MAP3K11: variants seen among roughly 807,000 people sequenced by gnomAD.
MAP3K11 encodes the protein mitogen-activated protein kinase kinase kinase 11, also known as SH3 domain-containing proline-rich kinase.
MAP3K11 carries 46 observed loss-of-function variants against 84.9 expected under a neutral mutation model. The observed-to-expected ratio is 0.54, with a 90% CI of 0.43 to 0.69. The LOEUF is 0.69. MAP3K11 is among the 30% of genes least tolerant of loss of function. MAP3K11 has a pLI of 0.00. For missense variants in MAP3K11, 1,053 were observed against 1,198.3 expected, an observed-to-expected ratio of 0.88 and a Z score of 1.79; for synonymous variants, 527 against 514.7, an observed-to-expected ratio of 1.02 and a Z score of -0.32.
At chr11:65,598,705 G>C in intron 9 of MAP3K11, 77 bp from the exon 10 acceptor site, 1 of 1,134,696 alleles carries the variant, frequency 8.8e-7, no homozygotes, top group Non-Finnish European at 1.2e-6. Flanking sequence ...CCTGCTCTGG[G>C]CCTCAGTTTC....
rs1344278082 is a variant in MAP3K11, at chr11:65,614,207, CCCGACGGCT to C, written c.-460_-452del. On this transcript the variant is annotated 5_prime_UTR_variant, in exon 1 of 10. Coordinates refer to ENST00000309100, the MANE Select transcript of MAP3K11 (RefSeq NM_002419.4). ...TGTTCCTGGCCCCGTCTCCTTTGGC[CCCGACGGCT>C]CCGACCCCGCTCCCTTCTTCCTCCT... is the stretch of plus-strand genomic sequence containing the variant. 6.6e-5 allele frequency: 11 copies of C among 165,954 alleles called. No homozygotes were observed. The highest frequency in any genetic ancestry group is 2.6e-4 in the African/African-American group (11 of 41,850). The allele number at this position is 165,954 out of a possible 1,614,324, so 10.3% of individuals were successfully genotyped here.
intron 8 of MAP3K11, among the ~76,000 whole-genome samples, chr11:65,601,592 TA>T (rs1854456396): frequency 6.6e-6 from 1 of 150,904 alleles, no homozygotes; most frequent in African/African-American, 2.4e-5. Flanking sequence ...CTGTCTCTAC[TA>T]AAAACACAAA....
At position 65,598,199 on chromosome 11, in the gene MAP3K11, A is replaced by G; in HGVS notation, c.*92T>C. ...GGGGGTGGGGTCCCTGGGGAAACTG[A>G]GGCAGCTGCAGAGGCTGACCCAGCT... On this transcript the variant is annotated 3_prime_UTR_variant, in exon 10 of 10. Coordinates refer to ENST00000309100, the MANE Select transcript of MAP3K11 (RefSeq NM_002419.4). 9.0e-7 allele frequency: 1 copy of G among 1,107,320 alleles called. No homozygotes were observed. Among genetic ancestry groups the G allele is most frequent in the East Asian group, 3.0e-5 (1 of 33,432 alleles). The allele number at this position is 1,107,320 out of a possible 1,614,324, so 68.6% of individuals were successfully genotyped here.
chr11:65,606,725 A>G lies in MAP3K11; in HGVS notation c.1569T>C (p.Asp523=). The G allele has an allele frequency of 1.2e-6, 2 of 1,602,466 alleles. No homozygotes were observed. Among genetic ancestry groups the G allele is most frequent in the Non-Finnish European group, 1.7e-6 (2 of 1,175,162 alleles). ...RRNVFEVGPG[D]SPTFPRFRAI... is the part of the protein sequence containing the mutation. ...CTCGGAACCGGGGAAAGGTGGGCGA[A>G]TCCCCAGGCCCGACCTCGAAGACGT... Residue 523 remains aspartate, a synonymous_variant, in exon 6 of 10, where the codon GAT becomes GAC. Coordinates refer to ENST00000309100, the MANE Select transcript of MAP3K11 (RefSeq NM_002419.4).
intron 1 of MAP3K11, chr11:65,611,822 G>C (rs991157891): frequency 2.6e-5 from 4 of 152,376 alleles, no homozygotes; most frequent in Non-Finnish European, 5.9e-5. Flanking sequence ...TCAGATTGGG[G>C]CAGGTAGCGG....
chr11:65,602,869 C>T (rs904396359), intron 8 of MAP3K11, among the ~76,000 whole-genome samples: 4 of 151,780 alleles, frequency 2.6e-5, no homozygotes, highest in African/African-American at 7.3e-5. Context: ...AATGCCAGCA[C>T]TTTGGGAGGC....
rs755442392 is a variant in MAP3K11, at chr11:65,598,025, G to C, written c.*266C>G. The stretch of plus-strand genomic sequence containing the variant: ...CCCAGCAGGCAATTCCCTGAGACAG[G>C]CTCTGGTCCTCCCAACCAGCTGGGT... On this transcript the variant is annotated 3_prime_UTR_variant, in exon 10 of 10. Transcript: ENST00000309100. 102 of 371,352 alleles carry C rather than the reference G, an allele frequency of 2.7e-4. No homozygotes were observed. The highest frequency in any genetic ancestry group is 4.1e-4 in the Non-Finnish European group (86 of 208,228). 23.0% of individuals were successfully genotyped at this position (371,352 alleles called of 1,614,324 possible).
intron 2 of MAP3K11, 62 bp downstream of exon 2, chr11:65,608,193 AGCCCTAGATTTAG>A: frequency 1.9e-6 from 3 of 1,590,632 alleles, no homozygotes; most frequent in Non-Finnish European, 2.6e-6. Flanking sequence ...GACTTGGCCC[AGCCCTAGATTTAG>A]GCAGCCACCT....
Position 65,607,763 on chromosome 11 carries a change from G to A in MAP3K11, c.1123C>T (p.Gln375Ter). 1 of 1,613,534 alleles carries A rather than the reference G, an allele frequency of 6.2e-7. No individual in the cohort carries two copies. Among genetic ancestry groups the A allele is most frequent in the Non-Finnish European group, 8.5e-7 (1 of 1,179,844 alleles). The change falls in exon 4 of 10, where the codon CAG becomes TAG. Residue 375 changes from glutamine to a stop codon, truncating the protein, a stop_gained. Coordinates refer to ENST00000309100, the MANE Select transcript of MAP3K11 (RefSeq NM_002419.4). LOFTEE classifies it high-confidence loss of function. ...ACCTGTGCCTCCAGCGCCTCCAACT[G>A]CTGCAGGATGGAGGCGAAGTCGGGC... Reference protein sequence around the residue: ...RRPDFASILQQLEALEAQVLR... With the variant: ...RRPDFASILQ
At chr11:65,600,993 G>A (rs1854449330) in intron 8 of MAP3K11, among the ~76,000 whole-genome samples, 1 of 152,224 alleles carries the variant, frequency 6.6e-6, no homozygotes, top group South Asian at 2.1e-4. Context: ...CCACTGAAGG[G>A]ACAAGGGAAT....
intron 8 of MAP3K11, among the ~76,000 whole-genome samples, chr11:65,603,301 T>A (rs1353992973): frequency 6.6e-6 from 1 of 152,254 alleles, no homozygotes; most frequent in Non-Finnish European, 1.5e-5. Context: ...GCAACTCTGT[T>A]GTTTAGGAGA....
At chr11:65,598,739 G>A (rs1208164236) in intron 9 of MAP3K11, 111 bp from the exon 10 acceptor site, 21 of 748,050 alleles carry the variant, frequency 2.8e-5, no homozygotes, top group Non-Finnish European at 4.2e-5. Flanking sequence ...TGACCTACTT[G>A]ACTCAACTTC....
chr11:65,599,755 C>A lies in MAP3K11; in HGVS notation c.1845G>T (p.Arg615=). Residue 615 remains arginine (R), a synonymous_variant, in exon 9 of 10, where the codon CGG becomes CGT. Coordinates refer to ENST00000309100, the MANE Select transcript of MAP3K11 (RefSeq NM_002419.4). ...TPPALNGNPP[R]PSLEPEEPKR... is the part of the protein sequence containing the mutation. ...TGGGCTCCTCGGGCTCCAGGCTAGG[C>A]CGCGGGGGGTTACCTGCGGGCAGAG... 1 of 1,593,140 alleles carries A rather than the reference C, an allele frequency of 6.3e-7. No homozygotes were observed. The highest frequency in any genetic ancestry group is 8.5e-7 in the Non-Finnish European group (1 of 1,177,504).
chr11:65,598,267 G>C lies in MAP3K11; in HGVS notation c.*24C>G, dbSNP rs1166686011. The C allele has an allele frequency of 1.4e-6, 2 of 1,426,210 alleles. No homozygotes were observed. The highest frequency in any genetic ancestry group is 1.8e-6 in the Non-Finnish European group (2 of 1,087,512). 88.3% of individuals were successfully genotyped at this position (1,426,210 alleles called of 1,614,324 possible). ...TGTGACTCCTCCTAAGGCAGCTGGA[G>C]CTCGGGGGAGTGGCCTGGCCCACTC... On this transcript the variant is annotated 3_prime_UTR_variant, in exon 10 of 10. Coordinates refer to ENST00000309100, the MANE Select transcript of MAP3K11 (RefSeq NM_002419.4).
At chr11:65,603,606 T>A (rs1333581677) in intron 8 of MAP3K11, among the ~76,000 whole-genome samples, 1 of 152,200 alleles carries the variant, frequency 6.6e-6, no homozygotes, top group African/African-American at 2.4e-5. Context: ...TGAAGCCCCA[T>A]TATTTGATTC....
At chr11:65,598,721 G>C (rs7946115) in intron 9 of MAP3K11, 93 bp from the exon 10 acceptor site, 221,536 of 931,276 alleles carry the variant, frequency 0.24, 27,833 homozygotes, top group Middle Eastern at 0.33. Context: ...GTTTCCCCAT[G>C]TGCACAGTGA....
intron 8 of MAP3K11, among the ~76,000 whole-genome samples, chr11:65,605,226 C>T (rs534207386): frequency 2.8e-4 from 42 of 152,236 alleles, no homozygotes; most frequent in African/African-American, 9.1e-4. Flanking sequence ...AACAGAAAGG[C>T]CCCGAGCTAT....
Position 65,605,860 on chromosome 11 carries a change from T to C in MAP3K11, c.1740-8A>G. 2 of 1,613,068 alleles carry C rather than the reference T, an allele frequency of 1.2e-6. No homozygotes were observed. Among genetic ancestry groups the C allele is most frequent in the Non-Finnish European group, 8.5e-7 (1 of 1,179,516 alleles). On this transcript the variant is annotated splice_polypyrimidine_tract_variant and splice_region_variant and intron_variant, in intron 7 of 9. Transcript: ENST00000309100. ...TCCATGCGGGACCTTCTCCTGGTGA[T>C]GGGAGGGCAAGGAGGGGTGCTTTAG...
rs920476425 is a variant in MAP3K11, at chr11:65,613,981, G to A, written c.-225C>T. On this transcript the variant is annotated 5_prime_UTR_variant, in exon 1 of 10. Coordinates refer to ENST00000309100, the MANE Select transcript of MAP3K11 (RefSeq NM_002419.4). Reference sequence around the variant, plus strand: ...AGGGCAGTGTGGTCAGGCCGGGGGGGTGGGGCCCCGGGGCCTCCGGCGCCT... The same window carrying A: ...AGGGCAGTGTGGTCAGGCCGGGGGGATGGGGCCCCGGGGCCTCCGGCGCCT... The A allele has an allele frequency of 1.2e-5, 7 of 566,376 alleles. No homozygotes were observed. Among genetic ancestry groups the A allele is most frequent in the Admixed American group, 7.3e-5 (2 of 27,372 alleles). The allele number at this position is 566,376 out of a possible 1,614,324, so 35.1% of individuals were successfully genotyped here.
Sources: gnomAD v4.1 joint callset for allele counts (sites outside exome capture counted in the v4.1 genomes callset) on GRCh38, gnomAD v4.1.1 for gene constraint, MANE v1.5 for transcripts, NCBI Gene and HGNC (gene_info 2026-07-23, HGNC 2026-07-21) for gene names.